SLC5A6: variants seen among roughly 807,000 people sequenced by gnomAD.
SLC5A6 encodes solute carrier family 5 member 6.
Under a neutral mutation model 67.9 loss-of-function variants are expected in SLC5A6, and 31 were observed. The ratio of observed to expected loss-of-function variants is 0.46; its 90% CI spans 0.34 to 0.62. SLC5A6 has a LOEUF of 0.62. SLC5A6 is among the 20% of genes least tolerant of loss of function. The probability of loss-of-function intolerance (pLI) is 0.01; values close to 1 mark genes in which losing one functional copy is unlikely to be tolerated. For missense variants in SLC5A6, 673 were observed against 812.8 expected (o/e 0.83, Z 2.09); for synonymous variants, 343 against 331.0 (o/e 1.04, Z -0.39).
intron 1 of SLC5A6, 27 bp downstream of exon 1, chr2:27,211,993 C>CCCCCTGCCCG: frequency 1.6e-6 from 1 of 628,252 alleles, no homozygotes. Context: ...CCCCTGCCCG[C>CCCCCTGCCCG]CCCGCTCGCC....
chr2:27,201,806 G>A lies in SLC5A6; in HGVS notation c.1404C>T (p.Phe468=). Residue 468 remains phenylalanine, a synonymous_variant, in exon 14 of 17, where the codon TTC becomes TTT. Transcript: ENST00000310574. ...TCACGATGCTCCCGATGCCAATCCA[G>A]AAGGCCATGACGAGCCCAGCCAACA... The part of the protein sequence containing the change: ...VGLLAGLVMA[F]WIGIGSIVTS... The A allele has an allele frequency of 6.2e-7, 1 of 1,614,184 alleles. No individual in the cohort carries two copies. Among genetic ancestry groups the A allele is most frequent in the South Asian group, 1.1e-5 (1 of 91,084 alleles).
intron 10 of SLC5A6, 21 bp from the exon 11 acceptor site, chr2:27,203,366 G>A: frequency 1.9e-6 from 3 of 1,613,148 alleles, no homozygotes; most frequent in Non-Finnish European, 2.5e-6. Flanking sequence ...GGAAGAGGAT[G>A]AGGAGTTGAG....
intron 2 of SLC5A6, 133 bp downstream of exon 2, chr2:27,211,334 A>G (rs950630349): frequency 1.3e-4 from 20 of 152,180 alleles, no homozygotes; most frequent in Non-Finnish European, 2.5e-4. Flanking sequence ...GCTACTCGAG[A>G]TGATCACTTG....
Position 27,200,544 on chromosome 2 carries a change from C to T in SLC5A6, c.1800G>A (p.Pro600=), listed in dbSNP as rs1188766182. The T allele has an allele frequency of 2.0e-5, 32 of 1,613,830 alleles. No homozygotes were observed. Among genetic ancestry groups the T allele is most frequent in the Middle Eastern group, 1.6e-4 (1 of 6,082 alleles). The change falls in exon 17 of 17, where the codon CCG becomes CCA. Residue 600 remains proline (P), a synonymous_variant. Coordinates refer to ENST00000310574, the MANE Select transcript of SLC5A6 (RefSeq NM_021095.4). The part of the protein sequence containing the change: ...HLDTGLFPEK[P]RNGVLGDSRD... ...TGCTGTCCCCCAGCACACCATTCCT[C>T]GGCTTCTCAGGAAACAGGCCAGTGT...
At position 27,203,846 on chromosome 2, in the gene SLC5A6, C is replaced by G; in HGVS notation, c.1027G>C (p.Asp343His). 6.2e-7 allele frequency: 1 copy of G among 1,614,014 alleles called. No homozygotes were observed. The highest frequency in any genetic ancestry group is 8.5e-7 in the Non-Finnish European group (1 of 1,179,920). Residue 343 changes from aspartate to histidine, a missense_variant, in exon 10 of 17, where the codon GAT becomes CAT. Transcript: ENST00000310574. Reference protein sequence around the residue: ...PDQFVLYFVMDLLKGLPGLPG... With the variant: ...PDQFVLYFVMHLLKGLPGLPG... ...AGGCCTGGCAGGCCCTTCAGGAGAT[C>G]CATCACAAAGTACAGGACGAACTGC...
chr2:27,205,239 C>T (rs1335152172), intron 7 of SLC5A6, 111 bp downstream of exon 7: 12 of 1,096,392 alleles, frequency 1.1e-5, no homozygotes, highest in African/African-American at 3.2e-5. Context: ...TCTGCTGTTA[C>T]ACCTCAGGCT....
chr2:27,202,209 G>A (rs1293226392), intron 12 of SLC5A6, 135 bp from the exon 13 acceptor site: 1 of 730,288 alleles, frequency 1.4e-6, no homozygotes. Flanking sequence ...GGAACAATCA[G>A]AACTCCAGAG....
chr2:27,202,964 A>G, intron 11 of SLC5A6, 84 bp from the exon 12 acceptor site: 2 of 1,577,460 alleles, frequency 1.3e-6, no homozygotes, highest in Middle Eastern at 1.9e-4. Flanking sequence ...TGCCCAGCCA[A>G]ACTACCACCT....
chr2:27,210,656 C>A (rs2148028829), intron 2 of SLC5A6, among the ~76,000 whole-genome samples: 1 of 148,376 alleles, frequency 6.7e-6, no homozygotes, highest in African/African-American at 2.5e-5. Flanking sequence ...ATTGGCCAGG[C>A]TGGTCTCAAA....
intron 12 of SLC5A6, 21 bp from the exon 13 acceptor site, chr2:27,202,095 GA>G: frequency 6.3e-7 from 1 of 1,584,818 alleles, no homozygotes; most frequent in Non-Finnish European, 8.7e-7. Context: ...AGGGTGAGAA[GA>G]AAAGGAAAAA....
chr2:27,200,541 C>T lies in SLC5A6; in HGVS notation c.1803G>A (p.Arg601=). ...LDTGLFPEKP[R]NGVLGDSRDK... is the part of the protein sequence containing the mutation. ...CTCTGCTGTCCCCCAGCACACCATT[C>T]CTCGGCTTCTCAGGAAACAGGCCAG... Residue 601 remains arginine, a synonymous_variant, in exon 17 of 17, where the codon AGG becomes AGA. Transcript: ENST00000310574. 1 of 1,614,020 alleles carries T rather than the reference C, an allele frequency of 6.2e-7. No individual in the cohort carries two copies. Among genetic ancestry groups the T allele is most frequent in the Non-Finnish European group, 8.5e-7 (1 of 1,179,938 alleles).
rs771617531 is a variant in SLC5A6, at chr2:27,204,511, A to C, written c.955T>G (p.Tyr319Asp). The change falls in exon 9 of 17, where the codon TAC (tyrosine) becomes GAC (aspartate). Residue 319 changes from tyrosine (Y) to aspartate (D), a missense_variant. By Grantham distance (160) the Tyr-to-Asp change is radical. Transcript: ENST00000310574. ...CLIGLVMFAYYQEYPMSIQQA... is the reference protein window; with the variant it reads ...CLIGLVMFAYDQEYPMSIQQA... ...TGAATGCTCATGGGATACTCCTGGT[A>C]ATACGCGAACATGACCAGGCCAATG... The C allele has an allele frequency of 2.5e-6, 4 of 1,614,030 alleles. No homozygotes were observed. The highest frequency in any genetic ancestry group is 1.1e-5 in the South Asian group (1 of 91,068).
At position 27,207,501 on chromosome 2, in the gene SLC5A6, G is replaced by A; in HGVS notation, c.150C>T (p.Gly50=). ...GCTCACCAACAGTATGCCGGCCCCA[G>A]CCACGACAAGCATGGTAGAGCCCAA... The part of the protein sequence containing the change: ...LAIGLYHACR[G]WGRHTVGELL... Residue 50 remains glycine (G), a synonymous_variant, in exon 3 of 17, where the codon GGC becomes GGT. Transcript: ENST00000310574. The surrounding 1 kb of genome is among the most constrained non-coding windows in gnomAD (Gnocchi z 5.5). 1 of 1,614,230 alleles carries A rather than the reference G, an allele frequency of 6.2e-7. No homozygotes were observed. The highest frequency in any genetic ancestry group is 1.7e-5 in the Admixed American group (1 of 60,014).
chr2:27,202,116 C>G, intron 12 of SLC5A6, 42 bp from the exon 13 acceptor site: 1 of 1,404,834 alleles, frequency 7.1e-7, no homozygotes, highest in Non-Finnish European at 1.0e-6. Context: ...AGAACACAGA[C>G]TCAGAGATGC....
intron 4 of SLC5A6, 129 bp from the exon 5 acceptor site, chr2:27,206,663 T>C: frequency 9.9e-7 from 1 of 1,007,326 alleles, no homozygotes; most frequent in Non-Finnish European, 1.6e-6. Flanking sequence ...TTCCTTCTCC[T>C]CTCAAATTCT....
chr2:27,211,990 C>G (rs899043765), intron 1 of SLC5A6, 30 bp downstream of exon 1: 1 of 614,530 alleles, frequency 1.6e-6, no homozygotes, highest in African/African-American at 2.0e-5. Context: ...CGCCCCCTGC[C>G]CGCCCCGCTC....
Position 27,200,418 on chromosome 2 carries a change from C to T in SLC5A6, c.*18G>A, listed in dbSNP as rs369520753. On this transcript the variant is annotated 3_prime_UTR_variant, in exon 17 of 17. Coordinates refer to ENST00000310574, the MANE Select transcript of SLC5A6 (RefSeq NM_021095.4). ...TGGCCTGGCACAGTGAGGACAGAGG[C>T]GGGGTCCTGAGTCAACATCACAGGG... The T allele has an allele frequency of 2.3e-5, 36 of 1,598,906 alleles. No individual in the cohort carries two copies. Among genetic ancestry groups the T allele is most frequent in the Non-Finnish European group, 2.8e-5 (33 of 1,172,174 alleles).
At chr2:27,206,708 G>A (rs1674093670) in intron 4 of SLC5A6, among the ~76,000 whole-genome samples, 169 bp downstream of exon 4, 1 of 152,188 alleles carries the variant, frequency 6.6e-6, no homozygotes, top group African/African-American at 2.4e-5. Flanking sequence ...TGCTGGAATT[G>A]GAAGGCATGG....
At chr2:27,211,975 CTG>C in intron 1 of SLC5A6, 43 bp downstream of exon 1, 1 of 545,028 alleles carries the variant, frequency 1.8e-6, no homozygotes, top group Non-Finnish European at 3.0e-6. Context: ...GCCCCGCCCC[CTG>C]CCCGCCCCCT....
Sources: gnomAD v4.1 joint callset for allele counts (sites outside exome capture counted in the v4.1 genomes callset) on GRCh38, gnomAD v4.1.1 for gene constraint, Gnocchi (gnomAD v3.1) non-coding constraint, MANE v1.5 for transcripts, NCBI Gene and HGNC (gene_info 2026-07-23, HGNC 2026-07-21) for gene names.